Variants in EHMT1 observed in about 807,000 individuals in gnomAD.
EHMT1 encodes euchromatic histone lysine methyltransferase 1.
Under a neutral mutation model 147.2 loss-of-function variants are expected in EHMT1, and 15 were observed. That is an observed-to-expected ratio of 0.10 (90% CI 0.07 to 0.16). EHMT1 has a LOEUF of 0.16. Among genes scored for constraint, EHMT1 ranks in the 10% least tolerant of loss-of-function variants. The pLI is 1.00. For synonymous variants in EHMT1, 795 were observed against 709.6 expected (o/e 1.12, Z -1.91); for missense variants, 1,587 against 1,772.4 (o/e 0.90, Z 1.88).
rs1946821596 is a variant in EHMT1 at position 137,728,480 on chromosome 9, G to A, written c.774G>A (p.Gln258=). 6.2e-7 allele frequency: 1 copy of A among 1,614,124 alleles called. No homozygotes were observed. Among genetic ancestry groups the A allele is most frequent in the Non-Finnish European group, 8.5e-7 (1 of 1,180,034 alleles). ...QLLPPFPSLH[Q]SLPQNQCYMA... is the part of the protein sequence containing the mutation. ...TACCCCCCTTCCCATCCCTTCATCA[G>A]TCGCTACCTCAGAACCAGTGCTACA... is the stretch of plus-strand genomic sequence containing the variant. Residue 258 remains glutamine, a synonymous_variant, in exon 4 of 27, where the codon CAG becomes CAA. Transcript: ENST00000460843.
At chr9:137,676,151 T>G (rs1162713143) in intron 1 of EHMT1, 1 of 149,442 alleles carries the variant, frequency 6.7e-6, no homozygotes, top group Non-Finnish European at 1.5e-5. Context: ...AACTCCTGAC[T>G]TCAAATGATC....
At chr9:137,642,172 C>G (rs1844540049) in intron 1 of EHMT1, among the ~76,000 whole-genome samples, 1 of 152,120 alleles carries the variant, frequency 6.6e-6, no homozygotes, top group South Asian at 2.1e-4. Flanking sequence ...CCAGTCTCTA[C>G]TTTTCATGTG....
intron 1 of EHMT1, among the ~76,000 whole-genome samples, chr9:137,620,905 G>T (rs1842911972): frequency 6.6e-6 from 1 of 152,180 alleles, no homozygotes; most frequent in Admixed American, 6.5e-5. Flanking sequence ...GCCCTGACTT[G>T]TGTCCAACCC....
chr9:137,683,997 AT>A (rs551834190), intron 1 of EHMT1, among the ~76,000 whole-genome samples: 1 of 151,422 alleles, frequency 6.6e-6, no homozygotes, highest in African/African-American at 2.4e-5. Context: ...TATATATTTC[AT>A]TTTTTTCCTA....
At chr9:137,766,217 G>C (rs187480699) in intron 10 of EHMT1, among the ~76,000 whole-genome samples, 1 of 152,360 alleles carries the variant, frequency 6.6e-6, no homozygotes. Context: ...ATTGGCAGCT[G>C]CTGATGCTTA....
intron 1 of EHMT1, among the ~76,000 whole-genome samples, chr9:137,692,942 C>T (rs143917039): frequency 6.3e-4 from 96 of 152,120 alleles, no homozygotes; most frequent in Admixed American, 3.4e-3. Flanking sequence ...CCTGAGAGTC[C>T]GGGGTGGATG....
chr9:137,650,142 A>C (rs1227966902), intron 1 of EHMT1, among the ~76,000 whole-genome samples: 1 of 152,094 alleles, frequency 6.6e-6, no homozygotes, highest in Non-Finnish European at 1.5e-5. Flanking sequence ...CCTGTCACCC[A>C]GGCTGGAGTG....
At chr9:137,706,127 T>TGGCAG (rs1468813504) in intron 1 of EHMT1, among the ~76,000 whole-genome samples, 3 of 151,692 alleles carry the variant, frequency 2.0e-5, no homozygotes, top group Non-Finnish European at 4.4e-5. Flanking sequence ...CACGGGGCCA[T>TGGCAG]GGCAGGGCAG....
At chr9:137,750,010 GA>G (rs1948845334) in intron 6 of EHMT1, among the ~76,000 whole-genome samples, 1 of 152,204 alleles carries the variant, frequency 6.6e-6, no homozygotes, top group Non-Finnish European at 1.5e-5. Context: ...GATTCTGTAA[GA>G]GAAGAACCGG....
intron 13 of EHMT1, among the ~76,000 whole-genome samples, chr9:137,778,582 G>A (rs113631442): frequency 2.0e-5 from 3 of 152,174 alleles, no homozygotes; most frequent in South Asian, 2.1e-4. Flanking sequence ...CTCCAGCCTC[G>A]CCTCTGAGCC....
chr9:137,739,271 G>A (rs1035097224), intron 4 of EHMT1, among the ~76,000 whole-genome samples: 1 of 151,602 alleles, frequency 6.6e-6, no homozygotes, highest in Admixed American at 6.6e-5. Flanking sequence ...CAGGAGAATG[G>A]CGTGAACCCA....
At chr9:137,759,900 A>G (rs952655614) in intron 9 of EHMT1, among the ~76,000 whole-genome samples, 1 of 152,118 alleles carries the variant, frequency 6.6e-6, no homozygotes, top group African/African-American at 2.4e-5. Context: ...TGAGCGGGTC[A>G]GTGGGGGCAG....
At chr9:137,783,858 A>G (rs1214973602) in intron 15 of EHMT1, among the ~76,000 whole-genome samples, 1 of 152,152 alleles carries the variant, frequency 6.6e-6, no homozygotes, top group Non-Finnish European at 1.5e-5. Flanking sequence ...GCCTGGAATG[A>G]TTTTTCCCTC....
chr9:137,619,082 G>T, intron 1 of EHMT1, 33 bp downstream of exon 1: 1 of 779,952 alleles, frequency 1.3e-6, no homozygotes, highest in Non-Finnish European at 1.5e-6. Context: ...GGCGGCGCGG[G>T]GGCGGCGGGC....
intron 1 of EHMT1, among the ~76,000 whole-genome samples, chr9:137,709,370 A>G (rs2135351664): frequency 6.6e-6 from 1 of 152,132 alleles, no homozygotes; most frequent in Admixed American, 6.5e-5. Context: ...GCAGTGGGAG[A>G]TCAGGGGGTG....
chr9:137,759,932 C>T (rs545674868), intron 9 of EHMT1, among the ~76,000 whole-genome samples: 1 of 152,262 alleles, frequency 6.6e-6, no homozygotes, highest in East Asian at 1.9e-4. Context: ...GGTTGTGGGT[C>T]AGGGGGTCCA....
chr9:137,798,144 C>A (rs986363846), intron 16 of EHMT1, among the ~76,000 whole-genome samples: 2 of 152,136 alleles, frequency 1.3e-5, no homozygotes, highest in Admixed American at 1.3e-4. Context: ...ATCCCAGTTA[C>A]GATGCCTACG....
intron 10 of EHMT1, among the ~76,000 whole-genome samples, chr9:137,767,632 G>A (rs1950300216): frequency 6.6e-6 from 1 of 152,082 alleles, no homozygotes; most frequent in African/African-American, 2.4e-5. Context: ...GGCCAACATG[G>A]GGAAATCCAG....
Position 137,777,889 on chromosome 9 carries a change from G to C in EHMT1, c.2026G>C (p.Gly676Arg). 6.2e-7 allele frequency: 1 copy of C among 1,613,074 alleles called. No individual in the cohort carries two copies. The highest frequency in any genetic ancestry group is 8.5e-7 in the Non-Finnish European group (1 of 1,180,002). ...CGATTTCCTCCCCTGAAGTGCTGCC[G>C]GGCCACCACTCTCGGAGGACGACAA... ...RADTTTGSAA[G>R]PPLSEDDKLQ... Residue 676 changes from glycine to arginine, a missense_variant, in exon 13 of 27, where the codon GGG (glycine) becomes CGG (arginine). Gly to Arg is a moderately radical substitution (Grantham distance 125, BLOSUM62 -2). Transcript: ENST00000460843.
Sources: gnomAD v4.1 joint callset for allele counts (sites outside exome capture counted in the v4.1 genomes callset) on GRCh38, gnomAD v4.1.1 for gene constraint, MANE v1.5 for transcripts, NCBI Gene and HGNC (gene_info 2026-07-23, HGNC 2026-07-21) for gene names.